Variants in MRTFA observed in about 807,000 individuals in gnomAD.
MRTFA encodes myocardin-related transcription factor A.
MRTFA carries 20 observed loss-of-function variants against 83.5 expected under a neutral mutation model. The observed-to-expected ratio is 0.24, with a 90% confidence interval of 0.17 to 0.35. MRTFA has a LOEUF of 0.35. Ranked by LOEUF, MRTFA falls within the 10% of genes least tolerant of loss-of-function variation. The pLI, the probability that MRTFA is intolerant of heterozygous loss-of-function variation, is 1.00. For missense variants in MRTFA, 1,200 were observed against 1,224.7 expected (o/e 0.98, Z 0.30); for synonymous variants, 659 against 541.2 (o/e 1.22, Z -3.02).
At chr22:40,568,541 T>C (rs2055738581) in intron 2 of MRTFA, among the ~76,000 whole-genome samples, 1 of 152,222 alleles carries the variant, frequency 6.6e-6, no homozygotes, top group Admixed American at 6.5e-5. Flanking sequence ...TAATATTCTG[T>C]AAAAGGTGCT....
chr22:40,580,345 T>C (rs1269506391), intron 2 of MRTFA, among the ~76,000 whole-genome samples: 4 of 152,000 alleles, frequency 2.6e-5, no homozygotes, highest in Non-Finnish European at 4.4e-5. Flanking sequence ...ACTACAGGCG[T>C]GCACCACCAC....
At chr22:40,431,149 G>A (rs1039929461) in intron 6 of MRTFA, among the ~76,000 whole-genome samples, 1 of 152,180 alleles carries the variant, frequency 6.6e-6, no homozygotes, top group Non-Finnish European at 1.5e-5. Flanking sequence ...AGAGAGAAGC[G>A]ATCTCACACC....
At chr22:40,563,693 C>G (rs2055663055) in intron 2 of MRTFA, among the ~76,000 whole-genome samples, 1 of 152,250 alleles carries the variant, frequency 6.6e-6, no homozygotes, top group East Asian at 1.9e-4. Context: ...ATTGACTACC[C>G]ACTACATGCC....
intron 9 of MRTFA, 132 bp from the exon 10 acceptor site, chr22:40,421,232 TC>T: frequency 9.6e-7 from 1 of 1,042,070 alleles, no homozygotes; most frequent in Non-Finnish European, 1.4e-6. Flanking sequence ...TTTCCACTCT[TC>T]CCTGTGGGAC....
intron 4 of MRTFA, among the ~76,000 whole-genome samples, chr22:40,451,852 T>C (rs555973935): frequency 1.8e-4 from 27 of 152,028 alleles, no homozygotes; most frequent in Non-Finnish European, 4.0e-4. Context: ...TTAAAAAAGC[T>C]ACTGCCTCTT....
chr22:40,587,649 T>C (rs1169186289), intron 2 of MRTFA: 2 of 311,484 alleles, frequency 6.4e-6, no homozygotes, highest in South Asian at 4.0e-5. Flanking sequence ...GTTTTTTGGA[T>C]TGTGTTCACT....
intron 2 of MRTFA, among the ~76,000 whole-genome samples, chr22:40,579,264 C>T (rs17002024): frequency 0.1 from 15,303 of 152,142 alleles, 923 homozygotes; most frequent in East Asian, 0.25. Flanking sequence ...GATGAATAGC[C>T]ATAATAATTG....
At chr22:40,469,706 C>T (rs555680372) in intron 3 of MRTFA, among the ~76,000 whole-genome samples, 1 of 152,114 alleles carries the variant, frequency 6.6e-6, no homozygotes, top group South Asian at 2.1e-4. Flanking sequence ...GGTCACAACA[C>T]ATACCAAGCA....
chr22:40,612,136 G>GT (rs1209802970), intron 1 of MRTFA, among the ~76,000 whole-genome samples: 1 of 152,180 alleles, frequency 6.6e-6, no homozygotes, highest in Non-Finnish European at 1.5e-5. Context: ...TGACATTTGT[G>GT]TAATTCCTCA....
chr22:40,502,927 T>C (rs994858858), intron 3 of MRTFA, among the ~76,000 whole-genome samples: 2 of 152,218 alleles, frequency 1.3e-5, no homozygotes, highest in African/African-American at 4.8e-5. Flanking sequence ...TAGGATCTTT[T>C]TTCCTTCCTA....
intron 10 of MRTFA, 135 bp from the exon 11 acceptor site, chr22:40,420,711 G>A: frequency 6.5e-7 from 1 of 1,531,508 alleles, no homozygotes; most frequent in Non-Finnish European, 8.8e-7. Context: ...GGGTGGCCCT[G>A]CCTGCAGACC....
At chr22:40,606,928 G>A (rs2147405158) in intron 1 of MRTFA, among the ~76,000 whole-genome samples, 1 of 152,292 alleles carries the variant, frequency 6.6e-6, no homozygotes, top group South Asian at 2.1e-4. Context: ...TCAAGCTCAG[G>A]AGTGTCTTGT....
chr22:40,505,742 T>C (rs1184312354), intron 3 of MRTFA, among the ~76,000 whole-genome samples: 1 of 152,142 alleles, frequency 6.6e-6, no homozygotes. Context: ...GCGTTCTTCT[T>C]CCCCTGCAGA....
At chr22:40,617,196 GGGAGGGA>G (rs2056461594) in intron 1 of MRTFA, among the ~76,000 whole-genome samples, 1 of 115,688 alleles carries the variant, frequency 8.6e-6, no homozygotes, top group African/African-American at 3.3e-5. Flanking sequence ...GAGGGAGGGA[GGGAGGGA>G]GGGAGGGAGG....
chr22:40,496,453 C>G (rs1293462046), intron 3 of MRTFA, among the ~76,000 whole-genome samples: 3 of 147,052 alleles, frequency 2.0e-5, no homozygotes, highest in African/African-American at 7.6e-5. Flanking sequence ...TTATCTGTAT[C>G]TTCTACATTT....
In MRTFA at chr22:40,542,640, T is replaced by A. The variant is rs183409764; in HGVS notation, c.241+9466A>T. ...GGAAATAATCTGAAATGCAAAAAAA[T>A]TTTAAAAGATATTTATCCAAATATT... On this transcript the variant is annotated intron_variant, in intron 3 of 14. Coordinates refer to ENST00000355630, the MANE Select transcript of MRTFA (RefSeq NM_020831.6). Among the ~76,000 whole-genome samples the A allele has an allele frequency of 7.5e-3, 1,149 of 152,216 alleles. 6 individuals are homozygous for A. Among genetic ancestry groups the A allele is most frequent in the Non-Finnish European group, 0.013 (866 of 68,002 alleles).
intron 3 of MRTFA, 69 bp from the exon 4 acceptor site, chr22:40,463,355 T>A: frequency 7.4e-7 from 1 of 1,357,756 alleles, no homozygotes; most frequent in Non-Finnish European, 1.1e-6. Context: ...AAACACATTT[T>A]CAAACGCAAA....
intron 9 of MRTFA, among the ~76,000 whole-genome samples, chr22:40,421,663 C>A (rs2052843003): frequency 6.6e-6 from 1 of 152,232 alleles, no homozygotes; most frequent in Non-Finnish European, 1.5e-5. Context: ...AGACCTCCAG[C>A]TGGCACAGCC....
intron 2 of MRTFA, among the ~76,000 whole-genome samples, chr22:40,572,637 G>C (rs1260648765): frequency 6.6e-6 from 1 of 152,162 alleles, no homozygotes; most frequent in African/African-American, 2.4e-5. Context: ...ACATACCTGA[G>C]ACTGGGAAGA....
Sources: gnomAD v4.1 joint callset for allele counts (sites outside exome capture counted in the v4.1 genomes callset) on GRCh38, gnomAD v4.1.1 for gene constraint, MANE v1.5 for transcripts, NCBI Gene and HGNC (gene_info 2026-07-23, HGNC 2026-07-21) for gene names.